MAN1A1: variants seen among roughly 807,000 people sequenced by gnomAD.
MAN1A1 encodes the protein mannosidase alpha class 1A member 1.
A neutral mutation model predicts 70.8 loss-of-function variants in MAN1A1; 29 were observed. The observed-to-expected ratio is 0.41, with a 90% CI of 0.31 to 0.56. The LOEUF is 0.56. MAN1A1 is among the 20% of genes least tolerant of loss of function. MAN1A1 has a pLI of 0.29. For missense variants in MAN1A1, 747 were observed against 841.3 expected (o/e 0.89, Z 1.39); for synonymous variants, 349 against 330.1 (o/e 1.06, Z -0.62).
At chr6:119,310,712 T>TA (rs1019625599) in intron 2 of MAN1A1, among the ~76,000 whole-genome samples, 5 of 151,932 alleles carry the variant, frequency 3.3e-5, no homozygotes, top group African/African-American at 9.7e-5. Context: ...TGTGAAGCAG[T>TA]AAAAGCCATG....
intron 5 of MAN1A1, among the ~76,000 whole-genome samples, chr6:119,261,746 G>C (rs7755572): frequency 0.31 from 47,101 of 152,028 alleles, 7,684 homozygotes; most frequent in East Asian, 0.56. Flanking sequence ...CTCAGTTTTA[G>C]ATAAAACTGA....
At chr6:119,252,529 C>T (rs911641758) in intron 5 of MAN1A1, among the ~76,000 whole-genome samples, 13 of 152,160 alleles carry the variant, frequency 8.5e-5, no homozygotes, top group African/African-American at 3.1e-4. Flanking sequence ...CACGGGGGCT[C>T]ATGCCTGTAA....
chr6:119,189,429 G>A lies in MAN1A1; in HGVS notation c.1546+235C>T, dbSNP rs140512881. Among the ~76,000 whole-genome samples, 74 of 152,264 alleles carry A rather than the reference G, an allele frequency of 4.9e-4. 1 individual carries two copies. The highest frequency in any genetic ancestry group is 1.4e-3 in the African/African-American group (59 of 41,558). On this transcript the variant is annotated intron_variant, in intron 10 of 12. Transcript: ENST00000368468. ...GCAAAAGCAGAAGTCAGTAAATTAG[G>A]CTGGCTTTAACTCTTTATGGCCTGG...
intron 2 of MAN1A1, among the ~76,000 whole-genome samples, chr6:119,339,080 C>A (rs1293486450): frequency 6.6e-6 from 1 of 152,132 alleles, no homozygotes; most frequent in African/African-American, 2.4e-5. Context: ...ATGATCAACA[C>A]AGGAGAAAGT....
At chr6:119,198,654 C>CA (rs1365715339) in intron 8 of MAN1A1, among the ~76,000 whole-genome samples, 1 of 152,024 alleles carries the variant, frequency 6.6e-6, no homozygotes, top group Non-Finnish European at 1.5e-5. Flanking sequence ...CAAAACAAAA[C>CA]AAAAAATTAG....
At chr6:119,305,116 C>T (rs1293842557) in intron 3 of MAN1A1, among the ~76,000 whole-genome samples, 1 of 152,118 alleles carries the variant, frequency 6.6e-6, no homozygotes, top group African/African-American at 2.4e-5. Flanking sequence ...ATACCTGAAG[C>T]TCTTTTTCTA....
intron 5 of MAN1A1, among the ~76,000 whole-genome samples, chr6:119,272,306 TCAGAC>T: frequency 6.6e-6 from 1 of 152,206 alleles, no homozygotes; most frequent in East Asian, 1.9e-4. Flanking sequence ...CTTTTATCTC[TCAGAC>T]CAGGTTTTCT....
At chr6:119,204,921 T>G (rs1773817305) in intron 6 of MAN1A1, 39 bp from the exon 7 acceptor site, 1 of 1,601,592 alleles carries the variant, frequency 6.2e-7, no homozygotes. Flanking sequence ...TGGGTCAGAT[T>G]AACTCCGTTT....
intron 6 of MAN1A1, among the ~76,000 whole-genome samples, chr6:119,232,437 CAG>C (rs1194588660): frequency 6.8e-6 from 1 of 147,950 alleles, no homozygotes; most frequent in African/African-American, 2.5e-5. Context: ...TACAAATAGA[CAG>C]AGTGATAGCC....
rs186412415 is a variant in MAN1A1 at position 119,226,877 on chromosome 6, G to T, written c.992+21383C>A. Among the ~76,000 whole-genome samples the T allele has an allele frequency of 1.8e-4, 28 of 152,004 alleles. No homozygotes were observed. The East Asian group carries it at 5.0e-3, about 27-fold the overall frequency. ...AGTAGAGACAGAGTTTTGCCATGTTGCCCAGCTGGTCTTGAACTCCTGGCC... is the reference window on the plus strand; with the variant it reads ...AGTAGAGACAGAGTTTTGCCATGTTTCCCAGCTGGTCTTGAACTCCTGGCC... On this transcript the variant is annotated intron_variant, in intron 6 of 12. Transcript: ENST00000368468.
chr6:119,303,982 G>A (rs1052572205), intron 3 of MAN1A1, among the ~76,000 whole-genome samples: 1 of 152,156 alleles, frequency 6.6e-6, no homozygotes, highest in Non-Finnish European at 1.5e-5. Context: ...GCAGGCAGCC[G>A]ATCCTGCACT....
At chr6:119,311,281 T>C (rs1772692493) in intron 2 of MAN1A1, among the ~76,000 whole-genome samples, 1 of 152,160 alleles carries the variant, frequency 6.6e-6, no homozygotes, top group African/African-American at 2.4e-5. Context: ...TTTTTCCTAG[T>C]ATAACACATA....
chr6:119,289,368 C>G (rs1435908958), intron 5 of MAN1A1, among the ~76,000 whole-genome samples: 1 of 151,824 alleles, frequency 6.6e-6, no homozygotes, highest in Non-Finnish European at 1.5e-5. Flanking sequence ...TACTCAAAGA[C>G]AAGTATTCTA....
At chr6:119,323,382 A>G (rs1437974854) in intron 2 of MAN1A1, among the ~76,000 whole-genome samples, 3 of 152,230 alleles carry the variant, frequency 2.0e-5, no homozygotes, top group Non-Finnish European at 4.4e-5. Context: ...GTTAAATACC[A>G]TGAGACAAAT....
At chr6:119,186,982 A>G (rs921602916) in intron 11 of MAN1A1, among the ~76,000 whole-genome samples, 1 of 152,226 alleles carries the variant, frequency 6.6e-6, no homozygotes, top group Non-Finnish European at 1.5e-5. Flanking sequence ...TAAAGAGTTG[A>G]CAAGAAATAA....
chr6:119,246,327 C>A (rs148143298), intron 6 of MAN1A1, among the ~76,000 whole-genome samples: 2 of 152,142 alleles, frequency 1.3e-5, no homozygotes, highest in East Asian at 3.9e-4. Flanking sequence ...TGTAAACTGG[C>A]GGTCATTGGT....
At chr6:119,317,590 T>C (rs1181890776) in intron 2 of MAN1A1, among the ~76,000 whole-genome samples, 1 of 152,212 alleles carries the variant, frequency 6.6e-6, no homozygotes, top group Admixed American at 6.5e-5. Context: ...ATAATATTTC[T>C]TTTTAGTGCT....
intron 2 of MAN1A1, among the ~76,000 whole-genome samples, chr6:119,307,699 T>C (rs570434418): frequency 2.6e-5 from 4 of 152,172 alleles, no homozygotes; most frequent in Admixed American, 2.6e-4. Context: ...ATTAGTTGTA[T>C]AAACTTTTTT....
intron 2 of MAN1A1, among the ~76,000 whole-genome samples, chr6:119,319,087 T>G (rs1232239639): frequency 6.6e-6 from 1 of 152,192 alleles, no homozygotes; most frequent in African/African-American, 2.4e-5. Flanking sequence ...TGGTTTCATC[T>G]AGACTTCTAC....
Sources: gnomAD v4.1 joint callset for allele counts (sites outside exome capture counted in the v4.1 genomes callset) on GRCh38, gnomAD v4.1.1 for gene constraint, MANE v1.5 for transcripts, NCBI Gene and HGNC (gene_info 2026-07-23, HGNC 2026-07-21) for gene names.